The following OVCH1 variants were observed in gnomAD, a reference collection of about 807,000 sequenced individuals.
OVCH1 encodes ovochymase 1, also known as ovochymase-1.
Under a neutral mutation model 138.4 loss-of-function variants are expected in OVCH1, and 139 were observed. The ratio of observed to expected loss-of-function variants is 1.00; its 90% CI spans 0.87 to 1.16. The LOEUF is 1.16. OVCH1 is among the 50% of genes most tolerant of loss of function. The pLI is 0.00. For synonymous variants in OVCH1, 453 were observed against 467.8 expected (o/e 0.97, Z 0.41); for missense variants, 1,367 against 1,357.9 (o/e 1.01, Z -0.11).
chr12:29,470,373 T>C (rs1438072139), intron 16 of OVCH1, among the ~76,000 whole-genome samples: 1 of 152,130 alleles, frequency 6.6e-6, no homozygotes. Flanking sequence ...CCTAATGCTC[T>C]CCCTCCCCTT....
At position 29,465,239 on chromosome 12, in the gene OVCH1, G is replaced by A; in HGVS notation, c.1857-20C>T. The A allele has an allele frequency of 6.4e-7, 1 of 1,569,874 alleles. No homozygotes were observed. The highest frequency in any genetic ancestry group is 8.7e-7 in the Non-Finnish European group (1 of 1,155,068). On this transcript the variant is annotated intron_variant, in intron 16 of 27. Transcript: ENST00000318184. ...TTCTTCCTGGAGACAGAAGAACAGTGAAAGTTTGACATGAAAACACATTTG... is the reference window on the plus strand; with the variant it reads ...TTCTTCCTGGAGACAGAAGAACAGTAAAAGTTTGACATGAAAACACATTTG...
chr12:29,472,218 A>G (rs570755242), intron 15 of OVCH1, among the ~76,000 whole-genome samples: 2 of 152,278 alleles, frequency 1.3e-5, no homozygotes, highest in South Asian at 2.1e-4. Flanking sequence ...CATTTAGCAA[A>G]TATTTATTTA....
intron 6 of OVCH1, among the ~76,000 whole-genome samples, chr12:29,488,854 A>T (rs1180692366): frequency 1.3e-5 from 2 of 152,184 alleles, no homozygotes; most frequent in Non-Finnish European, 2.9e-5. Context: ...AAGCACCTTT[A>T]GCCTATCTGT....
In OVCH1 at chr12:29,469,357, A is replaced by G. The variant is rs549560536; in HGVS notation, c.1856+2445T>C. Among the ~76,000 whole-genome samples, 9 of 152,278 alleles carry G rather than the reference A, an allele frequency of 5.9e-5. No individual in the cohort carries two copies. In the South Asian group the frequency reaches 1.9e-3, roughly 32 times the overall value. On this transcript the variant is annotated intron_variant, in intron 16 of 27. Coordinates refer to ENST00000318184, the Ensembl canonical transcript of OVCH1. ...TGTCAGACAAACTAAACTGAGGGACATAGGGATGTTCTACAAAAAAAACAG... is the reference window on the plus strand; with the variant it reads ...TGTCAGACAAACTAAACTGAGGGACGTAGGGATGTTCTACAAAAAAAACAG...
At chr12:29,427,214 G>A (rs952107771), downstream of OVCH1, among the ~76,000 whole-genome samples, 2 of 152,114 alleles carry the variant, frequency 1.3e-5, no homozygotes, top group Admixed American at 1.3e-4. Context: ...AAGTTACCAA[G>A]CTCTTCCCTC....
At chr12:29,481,162 A>AT (rs1299301410) in intron 8 of OVCH1, among the ~76,000 whole-genome samples, 7 of 151,802 alleles carry the variant, frequency 4.6e-5, no homozygotes, top group Non-Finnish European at 1.5e-5. Flanking sequence ...TTCTCAAATA[A>AT]TTTTTTACCT....
intron 3 of OVCH1, among the ~76,000 whole-genome samples, chr12:29,418,077 G>A (rs1269374969): frequency 2.6e-5 from 4 of 152,150 alleles, no homozygotes; most frequent in African/African-American, 9.7e-5. Context: ...TACAGTTCCC[G>A]CAGTATGTTT....
downstream of OVCH1, among the ~76,000 whole-genome samples, chr12:29,409,998 T>C (rs1027275225): frequency 2.0e-5 from 3 of 152,168 alleles, no homozygotes; most frequent in South Asian, 2.1e-4. Flanking sequence ...GCTCCTGTAT[T>C]GGGTGCGTAT....
At chr12:29,470,862 A>C (rs1942482771) in intron 16 of OVCH1, among the ~76,000 whole-genome samples, 1 of 152,158 alleles carries the variant, frequency 6.6e-6, no homozygotes, top group South Asian at 2.1e-4. Flanking sequence ...CTATTTCTCT[A>C]CATCCACTCC....
At chr12:29,479,359 A>T (rs1046129918) in intron 8 of OVCH1, among the ~76,000 whole-genome samples, 18 of 152,166 alleles carry the variant, frequency 1.2e-4, no homozygotes, top group Admixed American at 1.1e-3. Flanking sequence ...GCTAACCTTA[A>T]ACAGCCACAT....
At chr12:29,459,994 A>G (rs1025037598) in intron 19 of OVCH1, among the ~76,000 whole-genome samples, 3 of 152,242 alleles carry the variant, frequency 2.0e-5, no homozygotes, top group African/African-American at 7.2e-5. Flanking sequence ...AGACTATTTT[A>G]TCAAAGCAAG....
chr12:29,424,034 G>C (rs748082494), downstream of OVCH1, among the ~76,000 whole-genome samples: 3 of 152,188 alleles, frequency 2.0e-5, no homozygotes, highest in East Asian at 1.9e-4. Context: ...CACACACACA[G>C]AAATATAGAG....
downstream of OVCH1, chr12:29,423,412 G>C (rs1359078520): frequency 2.6e-6 from 1 of 388,806 alleles, no homozygotes; most frequent in East Asian, 7.3e-5. Flanking sequence ...ACAAAAGAAT[G>C]ATTGTCAGGA....
chr12:29,497,597 C>T, intron 1 of OVCH1, 26 bp downstream of exon 1: 1 of 1,613,072 alleles, frequency 6.2e-7, no homozygotes, highest in Non-Finnish European at 8.5e-7. Context: ...CCTCCGCAGT[C>T]CTGGTGCCCA....
chr12:29,465,364 G>T (rs925121693), intron 16 of OVCH1, 145 bp from the exon 17 acceptor site: 7 of 700,264 alleles, frequency 1.0e-5, no homozygotes, highest in African/African-American at 5.5e-5. Flanking sequence ...AGGTTTAATT[G>T]ACTTACAATT....
chr12:29,405,940 A>G, the OVCH1 span, among the ~76,000 whole-genome samples: 2 of 152,202 alleles, frequency 1.3e-5, no homozygotes, highest in Non-Finnish European at 2.9e-5. Context: ...CAGTTGTACA[A>G]TACAGTAGGA....
At chr12:29,461,713 G>T in intron 19 of OVCH1, 141 bp downstream of exon 19, 2 of 1,024,552 alleles carry the variant, frequency 2.0e-6, no homozygotes, top group Non-Finnish European at 3.0e-6. Flanking sequence ...TACTTCTGTT[G>T]CCCCACTGGT....
At chr12:29,451,418 G>A in exon 22 of OVCH1, 3 of 1,613,250 alleles carry the variant, frequency 1.9e-6, no homozygotes, top group South Asian at 1.1e-5. Context: ...GAGACCCCAG[G>A]AGTGACAGAT....
intron 22 of OVCH1, among the ~76,000 whole-genome samples, chr12:29,450,571 G>T (rs1341339457): frequency 6.6e-6 from 1 of 152,200 alleles, no homozygotes; most frequent in Non-Finnish European, 1.5e-5. Flanking sequence ...GTTGGTAGGA[G>T]TGTAAATTCG....
Sources: allele counts gnomAD v4.1 joint callset (sites outside exome capture counted in the v4.1 genomes callset), GRCh38; gene constraint gnomAD v4.1.1; transcripts MANE v1.5; gene names NCBI Gene and HGNC (gene_info 2026-07-23, HGNC 2026-07-21).